DYNC2I1: variants seen among roughly 807,000 people sequenced by gnomAD.
DYNC2I1 encodes the protein dynein 2 intermediate chain 1.
DYNC2I1 carries 89 observed loss-of-function variants against 133.4 expected under a neutral mutation model. The observed-to-expected ratio is 0.67, with a 90% CI of 0.56 to 0.80. The LOEUF (loss-of-function observed/expected upper bound fraction) is 0.80, where lower values mean the gene tolerates loss of function less well. Ranked by LOEUF, DYNC2I1 falls within the 30% of genes least tolerant of loss-of-function variation. The probability of loss-of-function intolerance (pLI) is 0.00; values close to 1 mark genes in which losing one functional copy is unlikely to be tolerated. For synonymous variants in DYNC2I1, 504 were observed against 484.3 expected, an observed-to-expected ratio of 1.04 and a Z score of -0.54; for missense variants, 1,291 against 1,314.5, an observed-to-expected ratio of 0.98 and a Z score of 0.28.
At position 158,921,467 on chromosome 7, in the gene DYNC2I1, A is replaced by G. The variant is rs146365341; in HGVS notation, c.1922-910A>G. Among the ~76,000 whole-genome samples, 174 of 152,294 alleles carry G rather than the reference A, an allele frequency of 1.1e-3. 1 individual carries two copies. Among genetic ancestry groups the G allele is most frequent in the African/African-American group, 4.0e-3 (165 of 41,552 alleles). Reference sequence around the variant, plus strand: ...ATAAAAACCACAGGGCTTAGGAGAAAACGGGGTCAGGTCACAGCACTCGAG... The same window carrying G: ...ATAAAAACCACAGGGCTTAGGAGAAGACGGGGTCAGGTCACAGCACTCGAG... On this transcript the variant is annotated intron_variant, in intron 15 of 24. Coordinates refer to ENST00000407559, the MANE Select transcript of DYNC2I1 (RefSeq NM_018051.5).
At chr7:158,958,004 C>CTATCTGCCCG (rs1275346795), downstream of DYNC2I1, among the ~76,000 whole-genome samples, 1 of 113,186 alleles carries the variant, frequency 8.8e-6, no homozygotes, top group Non-Finnish European at 1.9e-5. Context: ...CCTCAATTTA[C>CTATCTGCCCG]TCACTATCTG....
chr7:158,891,257 T>C lies in DYNC2I1; in HGVS notation c.991-8T>C, dbSNP rs374394657. 1 of 1,613,992 alleles carries C rather than the reference T, an allele frequency of 6.2e-7. No individual in the cohort carries two copies. Among genetic ancestry groups the C allele is most frequent in the Non-Finnish European group, 8.5e-7 (1 of 1,179,884 alleles). ...TCCTGGCTGATGGGGCTGTTCTCTC[T>C]CCATTAGCATGGCCACGAGGAAGGC... On this transcript the variant is annotated splice_polypyrimidine_tract_variant and splice_region_variant and intron_variant, in intron 7 of 24. Coordinates refer to ENST00000407559, the MANE Select transcript of DYNC2I1 (RefSeq NM_018051.5).
rs1464208984 is a variant in DYNC2I1 at position 158,945,519 on chromosome 7, C to G, written c.3003-62C>G. On this transcript the variant is annotated intron_variant, in intron 24 of 24. Transcript: ENST00000407559. This position sits in a 1 kb window ranked among gnomAD's most constrained non-coding sequence, Gnocchi z 4.1. ...ATGGAAGGTAGACATTTTGAAGACT[C>G]AGACAGAACCGAATGTCCCTTTGTG... 1.1e-5 allele frequency: 16 copies of G among 1,503,102 alleles called. No homozygotes were observed. The highest frequency in any genetic ancestry group is 1.4e-5 in the Non-Finnish European group (16 of 1,117,506). The allele number at this position is 1,503,102 out of a possible 1,614,324, so 93.1% of individuals were successfully genotyped here.
In DYNC2I1 at chr7:158,941,972, G is replaced by C. The variant is rs140787294; in HGVS notation, c.2826G>C (p.Ala942=). 378 of 1,612,746 alleles carry C rather than the reference G, an allele frequency of 2.3e-4. 1 individual carries two copies. In the African/African-American group the frequency reaches 4.4e-3, roughly 19 times the overall value. ...GSIRLHQLSS[A]FPLLQWDSST... ...TCAGGCTGCACCAGCTGAGCTCCGC[G>C]TTTCCGCTCCTGCAGTGGGACAGCA... Residue 942 remains alanine (A), a synonymous_variant, in exon 24 of 25, where the codon GCG becomes GCC. Coordinates refer to ENST00000407559, the MANE Select transcript of DYNC2I1 (RefSeq NM_018051.5).
chr7:158,901,529 G>A (rs1022534603), intron 8 of DYNC2I1, among the ~76,000 whole-genome samples: 1 of 152,146 alleles, frequency 6.6e-6, no homozygotes, highest in Admixed American at 6.5e-5. Context: ...CAAAAAGGAT[G>A]TTTACTGTTT....
At chr7:158,862,532 C>T (rs1306236148) in intron 1 of DYNC2I1, among the ~76,000 whole-genome samples, 2 of 121,652 alleles carry the variant, frequency 1.6e-5, no homozygotes, top group East Asian at 5.4e-4. Flanking sequence ...GCCTGGGCAA[C>T]ATAGCAAGAC....
intron 8 of DYNC2I1, among the ~76,000 whole-genome samples, chr7:158,892,044 G>A (rs1383279336): frequency 1.3e-5 from 2 of 152,182 alleles, no homozygotes; most frequent in African/African-American, 4.8e-5. Context: ...TTCCTTCTCA[G>A]GGGTGCGTGC....
At chr7:158,850,048 G>T in the DYNC2I1 span, among the ~76,000 whole-genome samples, 2 of 152,238 alleles carry the variant, frequency 1.3e-5, no homozygotes, top group Admixed American at 1.3e-4. Flanking sequence ...CTCAGAGATT[G>T]GAGCAGGCGC....
chr7:158,913,691 A>G (rs1847716469), intron 13 of DYNC2I1, among the ~76,000 whole-genome samples: 1 of 152,070 alleles, frequency 6.6e-6, no homozygotes, highest in African/African-American at 2.4e-5. Context: ...TTACATGATA[A>G]TTAAATTGAT....
chr7:158,945,972 C>A lies in DYNC2I1; in HGVS notation c.*193C>A. On this transcript the variant is annotated 3_prime_UTR_variant, in exon 25 of 25. Coordinates refer to ENST00000407559, the MANE Select transcript of DYNC2I1 (RefSeq NM_018051.5). The surrounding 1 kb of genome is among the most constrained non-coding windows in gnomAD (Gnocchi z 4.1). ...ACTACTTTTGAGTGGAAACAAAGAACATTCTAGCATTTACAAAACTTCCAG... is the reference window on the plus strand; with the variant it reads ...ACTACTTTTGAGTGGAAACAAAGAAAATTCTAGCATTTACAAAACTTCCAG... 1.8e-6 allele frequency: 1 copy of A among 543,624 alleles called. No individual in the cohort carries two copies. Among genetic ancestry groups the A allele is most frequent in the Non-Finnish European group, 2.8e-6 (1 of 352,726 alleles). The allele number at this position is 543,624 out of a possible 1,614,324, so 33.7% of individuals were successfully genotyped here. A position where few individuals can be genotyped will look rare whatever the true frequency, so the allele number is the denominator to read the frequency against.
At chr7:158,926,819 A>G (rs1383459218) in intron 19 of DYNC2I1, among the ~76,000 whole-genome samples, 173 bp from the exon 20 acceptor site, 1 of 152,250 alleles carries the variant, frequency 6.6e-6, no homozygotes, top group Non-Finnish European at 1.5e-5. Flanking sequence ...GATCAAAGCA[A>G]AGGAGTCAAC....
At chr7:158,942,301 T>TA (rs1851456012) in intron 24 of DYNC2I1, among the ~76,000 whole-genome samples, 153 bp downstream of exon 24, 2 of 152,242 alleles carry the variant, frequency 1.3e-5, no homozygotes, top group Admixed American at 1.3e-4. Flanking sequence ...AGTTAAAAAT[T>TA]AAAAAGTATT....
chr7:158,850,102 G>A, the DYNC2I1 span, among the ~76,000 whole-genome samples: 1 of 152,242 alleles, frequency 6.6e-6, no homozygotes, highest in African/African-American at 2.4e-5. Context: ...ACACCCCTGA[G>A]CCTGCAGAGC....
intron 7 of DYNC2I1, among the ~76,000 whole-genome samples, chr7:158,888,226 T>C (rs908411835): frequency 1.3e-5 from 2 of 151,832 alleles, no homozygotes; most frequent in Non-Finnish European, 2.9e-5. Flanking sequence ...GGTTTCACCA[T>C]ATTGGCCAGT....
At chr7:158,949,834 C>T (rs886727895), downstream of DYNC2I1, among the ~76,000 whole-genome samples, 11 of 151,644 alleles carry the variant, frequency 7.3e-5, no homozygotes, top group African/African-American at 2.7e-4. Context: ...TGCAATGGCG[C>T]AATCTCGCCT....
chr7:158,933,610 G>A (rs1850444820), intron 21 of DYNC2I1, among the ~76,000 whole-genome samples: 1 of 152,228 alleles, frequency 6.6e-6, no homozygotes, highest in African/African-American at 2.4e-5. Flanking sequence ...AAGCTGAGAT[G>A]TTAGCATCAC....
At chr7:158,946,719 C>CT (rs1351754908), downstream of DYNC2I1, among the ~76,000 whole-genome samples, 1 of 152,248 alleles carries the variant, frequency 6.6e-6, no homozygotes, top group Non-Finnish European at 1.5e-5. Context: ...CAGGAGAGTT[C>CT]TGGGGTGAGG....
chr7:158,951,459 G>C (rs1365582674), intron 4 of DYNC2I1, among the ~76,000 whole-genome samples: 1 of 152,250 alleles, frequency 6.6e-6, no homozygotes, highest in Non-Finnish European at 1.5e-5. Flanking sequence ...TCCCCAGCCA[G>C]GCCTGGAGGT....
intron 4 of DYNC2I1, among the ~76,000 whole-genome samples, chr7:158,877,317 T>C (rs943318043): frequency 6.6e-6 from 1 of 151,870 alleles, no homozygotes; most frequent in Non-Finnish European, 1.5e-5. Context: ...GCGGTGCGGG[T>C]GTGTTGGTGC....
Sources: allele counts gnomAD v4.1 joint callset (sites outside exome capture counted in the v4.1 genomes callset), GRCh38; gene constraint gnomAD v4.1.1; non-coding constraint Gnocchi (gnomAD v3.1); transcripts MANE v1.5; gene names NCBI Gene and HGNC (gene_info 2026-07-23, HGNC 2026-07-21).